Variants in THAP4 observed in about 807,000 individuals in gnomAD.
The protein encoded by THAP4 is THAP domain containing 4.
Under a neutral mutation model 48.1 loss-of-function variants are expected in THAP4, and 18 were observed. That is an observed-to-expected ratio of 0.37 (90% CI 0.26 to 0.56). The LOEUF (loss-of-function observed/expected upper bound fraction) is 0.56. THAP4 is among the 20% of genes least tolerant of loss of function. THAP4 has a pLI of 0.78. For synonymous variants in THAP4, 345 were observed against 324.9 expected (o/e 1.06, Z -0.66); for missense variants, 656 against 774.9 (o/e 0.85, Z 1.82).
chr2:241,630,544 C>T (rs534106134), intron 2 of THAP4, among the ~76,000 whole-genome samples: 2 of 152,172 alleles, frequency 1.3e-5, no homozygotes, highest in East Asian at 3.9e-4. Context: ...GCTGGGAGGC[C>T]GAGGCGGGTG....
At position 241,637,104 on chromosome 2, in the gene THAP4, G is replaced by T; in HGVS notation, c.-87C>A. ...CCGCCCCGAGGGAGGGAGCGCGGCG[G>T]CGACACGGCTCGGGACGTGGGCCGG... On this transcript the variant is annotated 5_prime_UTR_variant, in exon 1 of 6. Transcript: ENST00000407315. The T allele has an allele frequency of 9.8e-7, 1 of 1,019,598 alleles. No homozygotes were observed. Among genetic ancestry groups the T allele is most frequent in the South Asian group, 4.1e-5 (1 of 24,394 alleles). The allele number at this position is 1,019,598 out of a possible 1,614,324, so 63.2% of individuals were successfully genotyped here.
chr2:241,603,061 C>T lies in THAP4; in HGVS notation c.1419G>A (p.Pro473=), dbSNP rs201898015. 19 of 1,613,898 alleles carry T rather than the reference C, an allele frequency of 1.2e-5. No homozygotes were observed. Among genetic ancestry groups the T allele is most frequent in the Middle Eastern group, 1.7e-4 (1 of 6,058 alleles). The change falls in exon 4 of 6, where the codon CCG becomes CCA. Residue 473 remains proline (P), a synonymous_variant. Coordinates refer to ENST00000407315, the MANE Select transcript of THAP4 (RefSeq NM_015963.6). ...CTCTGTGCATCGGCTTGCGCGTGTC[C>T]GGGTGGAAGGAGTTGAACCTGGACG... ...MLNFSFNSFH[P]DTRKPMHREC...
Position 241,626,116 on chromosome 2 carries a change from G to C in THAP4, c.1240+6801C>G, listed in dbSNP as rs143781586. On this transcript the variant is annotated intron_variant, in intron 2 of 5. Coordinates refer to ENST00000407315, the MANE Select transcript of THAP4 (RefSeq NM_015963.6). ...TCATGATAACAGCTCTCAGCAACAG[G>C]AATAAATGGGAATTCTGTCAACTTG... Among the ~76,000 whole-genome samples the C allele has an allele frequency of 6.7e-3, 1,023 of 152,146 alleles. 17 individuals are homozygous for C. The highest frequency in any genetic ancestry group is 0.023 in the African/African-American group (971 of 41,504).
In THAP4 at chr2:241,598,165, G is replaced by C. The variant is rs1446321555; in HGVS notation, c.1614+3731C>G. On this transcript the variant is annotated intron_variant, in intron 5 of 5. Coordinates refer to ENST00000407315, the MANE Select transcript of THAP4 (RefSeq NM_015963.6). ...TCTCATGAAACGGACACTTTTGCAG[G>C]AGAACATGAATTTGCAGATGGAGCC... Among the ~76,000 whole-genome samples the C allele has an allele frequency of 2.0e-5, 3 of 152,138 alleles. 1 individual carries two copies. In the South Asian group the frequency reaches 6.2e-4, roughly 31 times the overall value.
At chr2:241,628,379 G>A (rs564601081) in intron 2 of THAP4, among the ~76,000 whole-genome samples, 124 of 151,342 alleles carry the variant, frequency 8.2e-4, no homozygotes, top group Non-Finnish European at 1.5e-3. Flanking sequence ...GCCTCAGACT[G>A]CCTGTTCAAA....
At chr2:241,622,524 G>A (rs1294635460) in intron 2 of THAP4, among the ~76,000 whole-genome samples, 3 of 152,044 alleles carry the variant, frequency 2.0e-5, no homozygotes, top group African/African-American at 7.2e-5. Flanking sequence ...AAAAGGGAGA[G>A]CATCAGAGAG....
At position 241,595,637 on chromosome 2, in the gene THAP4, C is replaced by CA. The variant is rs751050652; in HGVS notation, c.1614+6258dup. On this transcript the variant is annotated intron_variant, in intron 5 of 5. Transcript: ENST00000407315. ...GGGCAACAAGAGCGAAACTCTGTCTCAAAAAAAAAAAAGAAGAAGAAATAC... is the reference window on the plus strand; with the variant it reads ...GGGCAACAAGAGCGAAACTCTGTCTCAAAAAAAAAAAAAGAAGAAGAAATAC... Among the ~76,000 whole-genome samples, 652 of 129,242 alleles carry CA rather than the reference C, an allele frequency of 5.0e-3. 1 individual carries two copies. Among genetic ancestry groups the CA allele is most frequent in the Non-Finnish European group, 6.8e-3 (410 of 60,370 alleles). 84.8% of individuals were successfully genotyped at this position (129,242 alleles called of 152,430 possible).
intron 2 of THAP4, among the ~76,000 whole-genome samples, chr2:241,629,136 C>G (rs1254114385): frequency 6.6e-6 from 1 of 151,974 alleles, no homozygotes; most frequent in East Asian, 1.9e-4. Context: ...GATCAGCTCT[C>G]AACAGTTACA....
intron 5 of THAP4, among the ~76,000 whole-genome samples, chr2:241,593,373 T>G (rs111741877): frequency 0.044 from 6,686 of 152,344 alleles, 528 homozygotes; most frequent in African/African-American, 0.15. Context: ...GACAGCACTG[T>G]GTCTCCTGCA....
At chr2:241,588,384 T>A (rs1335369650) in intron 5 of THAP4, among the ~76,000 whole-genome samples, 1 of 152,192 alleles carries the variant, frequency 6.6e-6, no homozygotes, top group African/African-American at 2.4e-5. Flanking sequence ...ATTTAGAAAT[T>A]CAAGTAGTTC....
intron 2 of THAP4, among the ~76,000 whole-genome samples, chr2:241,623,556 G>T (rs1057176545): frequency 6.6e-6 from 1 of 151,376 alleles, no homozygotes; most frequent in South Asian, 2.1e-4. Flanking sequence ...TTCAGCCTGG[G>T]TGTCAGAGCA....
chr2:241,601,996 A>G lies in THAP4; in HGVS notation c.1514T>C (p.Val505Ala). ...VAFVSAQNTGVVEVEEGEVNG... is the reference protein window; with the variant it reads ...VAFVSAQNTGAVEVEEGEVNG... ...CACCTCGCCCTCCTCCACTTCCACC[A>G]CGCCTGCAAGGGAAGGGCAGTCAGC... Residue 505 changes from valine to alanine, a missense_variant, in exon 5 of 6, where the codon GTG (valine) becomes GCG (alanine). Val to Ala is a moderately conservative substitution (Grantham distance 64). Coordinates refer to ENST00000407315, the MANE Select transcript of THAP4 (RefSeq NM_015963.6). The surrounding 1 kb of genome is among the most constrained non-coding windows in gnomAD (Gnocchi z 4.0). 1 of 1,610,876 alleles carries G rather than the reference A, an allele frequency of 6.2e-7. No individual in the cohort carries two copies.
At chr2:241,631,805 G>A (rs1404863455) in intron 2 of THAP4, among the ~76,000 whole-genome samples, 1 of 152,138 alleles carries the variant, frequency 6.6e-6, no homozygotes, top group Admixed American at 6.6e-5. Context: ...ATAGAACTTG[G>A]GAGGTGGATG....
rs897229841 is a variant in THAP4, at chr2:241,601,178, C to T, written c.1614+718G>A. ...CTGTAATCCCAGCTACCCAGGAGGC[C>T]GAGGCAGGAGAATCGCTTGAACCTG... On this transcript the variant is annotated intron_variant, in intron 5 of 5. Transcript: ENST00000407315. The surrounding 1 kb of genome is among the most constrained non-coding windows in gnomAD (Gnocchi z 4.0). 7.2e-5 allele frequency among the ~76,000 whole-genome samples: 11 copies of T among 151,878 alleles called. No individual in the cohort carries two copies. Among genetic ancestry groups the T allele is most frequent in the South Asian group, 6.2e-4 (3 of 4,818 alleles).
chr2:241,589,212 C>CAAAAAAA (rs765239066), intron 5 of THAP4, among the ~76,000 whole-genome samples: 1 of 110,848 alleles, frequency 9.0e-6, no homozygotes, highest in African/African-American at 3.7e-5. Context: ...AACAATGTCT[C>CAAAAAAA]AAAAAAAAAA....
rs374980781 is a variant in THAP4 at position 241,636,929 on chromosome 2, G to A, written c.77+12C>T. The A allele has an allele frequency of 8.0e-7, 1 of 1,245,590 alleles. No individual in the cohort carries two copies. The highest frequency in any genetic ancestry group is 2.6e-5 in the Admixed American group (1 of 38,140). The allele number at this position is 1,245,590 out of a possible 1,614,324, so 77.2% of individuals were successfully genotyped here. On this transcript the variant is annotated intron_variant, in intron 1 of 5. Transcript: ENST00000407315. Reference sequence around the variant, plus strand: ...GTCGGGGCGGGGGCGTGGCGGCCCGGGGCCCGCGTACCTGTGGAAGGAGAC... The same window carrying A: ...GTCGGGGCGGGGGCGTGGCGGCCCGAGGCCCGCGTACCTGTGGAAGGAGAC...
chr2:241,584,485 A>G lies in THAP4; in HGVS notation c.*121T>C. The G allele has an allele frequency of 9.4e-7, 1 of 1,061,246 alleles. No individual in the cohort carries two copies. Among genetic ancestry groups the G allele is most frequent in the South Asian group, 1.5e-5 (1 of 68,302 alleles). The allele number at this position is 1,061,246 out of a possible 1,614,324, so 65.7% of individuals were successfully genotyped here. A position where few individuals can be genotyped will look rare whatever the true frequency, so the allele number is the denominator to read the frequency against. On this transcript the variant is annotated 3_prime_UTR_variant, in exon 6 of 6. Transcript: ENST00000407315. ...GCCAGTACAGAAACATCTGGACAACACTCTTGAGCCTGCAGAGGCTCACGG... is the reference window on the plus strand; with the variant it reads ...GCCAGTACAGAAACATCTGGACAACGCTCTTGAGCCTGCAGAGGCTCACGG...
chr2:241,625,346 G>A (rs956924391), intron 2 of THAP4, among the ~76,000 whole-genome samples: 3 of 151,916 alleles, frequency 2.0e-5, no homozygotes, highest in Non-Finnish European at 2.9e-5. Context: ...GTGACGGCAC[G>A]TGTCCATAGT....
intron 4 of THAP4, 110 bp from the exon 5 acceptor site, chr2:241,602,109 A>T: frequency 2.0e-6 from 2 of 982,096 alleles, no homozygotes; most frequent in Non-Finnish European, 3.0e-6. Flanking sequence ...CCAACTCTGC[A>T]GCTGTGGAAG....
Sources: allele counts gnomAD v4.1 joint callset (sites outside exome capture counted in the v4.1 genomes callset), GRCh38; gene constraint gnomAD v4.1.1; non-coding constraint Gnocchi (gnomAD v3.1); transcripts MANE v1.5; gene names NCBI Gene and HGNC (gene_info 2026-07-23, HGNC 2026-07-21).